Variants in TTC22 observed in about 807,000 individuals in gnomAD.
TTC22 encodes tetratricopeptide repeat domain 22.
TTC22 carries 42 observed loss-of-function variants against 48.2 expected under a neutral mutation model. The observed-to-expected ratio is 0.87, with a 90% CI of 0.68 to 1.13. The LOEUF (loss-of-function observed/expected upper bound fraction) is 1.13, where lower values mean the gene tolerates loss of function less well. Among genes scored for constraint, TTC22 ranks in the 50% most tolerant of loss-of-function variants. The probability of loss-of-function intolerance (pLI) is 0.00; values close to 1 mark genes in which losing one functional copy is unlikely to be tolerated. For synonymous variants in TTC22, 345 were observed against 365.5 expected (o/e 0.94, Z 0.64); for missense variants, 784 against 807.0 (o/e 0.97, Z 0.34).
chr1:54,781,664 G>C lies in TTC22; in HGVS notation c.1289C>G (p.Thr430Arg). ...GCGCAGCAGCTGCAGCTCGGGCAGC[G>C]TGGCACCCAGCTCCGACTCGCCCGC... is the stretch of plus-strand genomic sequence containing the variant. ...AKAGESELGATLPELQLLRGK... is the reference protein window; with the variant it reads ...AKAGESELGARLPELQLLRGK... The change falls in exon 7 of 7, where the codon ACG (threonine) becomes AGG (arginine). Residue 430 changes from threonine to arginine, a missense_variant. Thr to Arg is a moderately conservative substitution (Grantham distance 71). Transcript: ENST00000371276. 1 of 1,530,942 alleles carries C rather than the reference G, an allele frequency of 6.5e-7. No individual in the cohort carries two copies. Among genetic ancestry groups the C allele is most frequent in the South Asian group, 1.2e-5 (1 of 83,190 alleles). 94.8% of individuals were successfully genotyped at this position (1,530,942 alleles called of 1,614,324 possible).
At chr1:54,786,330 G>GCTT in intron 4 of TTC22, 186 bp from the exon 5 acceptor site, 1 of 558,682 alleles carries the variant, frequency 1.8e-6, no homozygotes, top group Non-Finnish European at 3.2e-6. Context: ...ACACCTTGGG[G>GCTT]CACAACCTAT....
intron 1 of TTC22, 124 bp from the exon 2 acceptor site, chr1:54,788,221 A>C: frequency 1.1e-6 from 1 of 915,136 alleles, no homozygotes; most frequent in Non-Finnish European, 1.8e-6. Context: ...TTGACCTTAA[A>C]CACCTTTGAT....
chr1:54,796,548 GCA>G (rs2101471245), intron 1 of TTC22, among the ~76,000 whole-genome samples: 1 of 152,260 alleles, frequency 6.6e-6, no homozygotes, highest in East Asian at 1.9e-4. Flanking sequence ...AGTGCCCGGT[GCA>G]CAGACACCAT....
chr1:54,783,858 C>T (rs182812435), intron 5 of TTC22, among the ~76,000 whole-genome samples: 65 of 152,030 alleles, frequency 4.3e-4, no homozygotes, highest in East Asian at 1.2e-3. Context: ...ATTAGCTGGG[C>T]GGGTGTTGTG....
chr1:54,787,669 G>A, intron 3 of TTC22, 42 bp downstream of exon 3: 1 of 1,476,982 alleles, frequency 6.8e-7, no homozygotes, highest in East Asian at 2.3e-5. Context: ...GCTGTTGGCA[G>A]GGGGCAGAGG....
intron 1 of TTC22, among the ~76,000 whole-genome samples, chr1:54,797,915 C>A (rs1026254460): frequency 6.6e-6 from 1 of 152,130 alleles, no homozygotes; most frequent in Admixed American, 6.5e-5. Context: ...GAAAATCTCT[C>A]GCTGCAGGGG....
chr1:54,801,019 G>T lies in TTC22; in HGVS notation c.145C>A (p.Gln49Lys). ...AGCTCCTGCCGCAGACCCTCCCGCT[G>T]CAGCTTCAGGTCCCGGGCGCGCTGT... ...APQRARDLKL[Q>K]REGLRQELQL... The change falls in exon 1 of 7, where the codon CAG (glutamine) becomes AAG (lysine). Residue 49 changes from glutamine (Q) to lysine (K), a missense_variant. Transcript: ENST00000371276. 6.2e-7 allele frequency: 1 copy of T among 1,610,762 alleles called. No homozygotes were observed. Among genetic ancestry groups the T allele is most frequent in the South Asian group, 1.1e-5 (1 of 90,912 alleles).
At chr1:54,781,947 T>C (rs1459328463) in intron 6 of TTC22, among the ~76,000 whole-genome samples, 168 bp from the exon 7 acceptor site, 2 of 152,216 alleles carry the variant, frequency 1.3e-5, no homozygotes, top group East Asian at 3.9e-4. Flanking sequence ...AGAAAAGGAG[T>C]ACCCCGATTC....
intron 1 of TTC22, among the ~76,000 whole-genome samples, chr1:54,799,287 T>G: frequency 6.6e-6 from 1 of 152,236 alleles, no homozygotes; most frequent in Admixed American, 6.5e-5. Context: ...GAATCCCCAC[T>G]GTGGCCGTGT....
intron 1 of TTC22, among the ~76,000 whole-genome samples, chr1:54,796,159 GTCGTGTGTGTGTGC>G (rs1402829245): frequency 6.6e-6 from 1 of 152,218 alleles, no homozygotes; most frequent in African/African-American, 2.4e-5. Context: ...GAATTGTGGA[GTCGTGTGTGTGTGC>G]GCGTGTGTGT....
chr1:54,801,135 T>C lies in TTC22; in HGVS notation c.29A>G (p.Asp10Gly). MAELEAVAD[D>G]LDALIDDLDY... is the part of the protein sequence containing the mutation. ...CAGGTCGTCGATGAGGGCGTCTAGA[T>C]CGTCGGCCACAGCCTCCAGCTCCGC... The change falls in exon 1 of 7, where the codon GAT becomes GGT. Residue 10 changes from aspartate (D) to glycine (G), a missense_variant. Coordinates refer to ENST00000371276, the MANE Select transcript of TTC22 (RefSeq NM_001114108.2). 6.2e-7 allele frequency: 1 copy of C among 1,610,984 alleles called. No individual in the cohort carries two copies. The highest frequency in any genetic ancestry group is 8.5e-7 in the Non-Finnish European group (1 of 1,178,634).
chr1:54,786,044 ATG>A lies in TTC22; in HGVS notation c.957_958del (p.Met320GlyfsTer29). 1 of 1,614,106 alleles carries A rather than the reference ATG, an allele frequency of 6.2e-7. No homozygotes were observed. Among genetic ancestry groups the A allele is most frequent in the African/African-American group, 1.3e-5 (1 of 75,040 alleles). On this transcript the variant is annotated frameshift_variant, in exon 5 of 7. Transcript: ENST00000371276. LOFTEE classifies it high-confidence loss of function. ...TGGATCTCGTAGGACATCCAGGGCC[ATG>A]TTGCAGGTTCCAATGGCCATATCCT...
chr1:54,792,022 G>A (rs773728735), intron 1 of TTC22, among the ~76,000 whole-genome samples: 21 of 151,874 alleles, frequency 1.4e-4, no homozygotes, highest in Non-Finnish European at 3.1e-4. Context: ...ACCACTCTGC[G>A]CACTGTTGAC....
At chr1:54,799,291 G>T (rs538472078) in intron 1 of TTC22, among the ~76,000 whole-genome samples, 1 of 152,200 alleles carries the variant, frequency 6.6e-6, no homozygotes, top group African/African-American at 2.4e-5. Flanking sequence ...CCCCACTGTG[G>T]CCGTGTTCCC....
chr1:54,786,499 C>T (rs1646302615), intron 4 of TTC22: 1 of 268,944 alleles, frequency 3.7e-6, no homozygotes, highest in African/African-American at 2.2e-5. Flanking sequence ...CATCCCCCAA[C>T]CTTACAAAGT....
chr1:54,787,486 G>T, intron 3 of TTC22: 2 of 593,316 alleles, frequency 3.4e-6, no homozygotes, highest in East Asian at 5.6e-5. Flanking sequence ...TCCAGGTCAT[G>T]AGCTGCAGAC....
chr1:54,795,912 G>GTT (rs1646386667), intron 1 of TTC22, among the ~76,000 whole-genome samples: 1 of 152,228 alleles, frequency 6.6e-6, no homozygotes, highest in Non-Finnish European at 1.5e-5. Flanking sequence ...CTCCTCCTGG[G>GTT]CTTTGATGTC....
chr1:54,781,795 C>T lies in TTC22; in HGVS notation c.1174-16G>A. On this transcript the variant is annotated splice_polypyrimidine_tract_variant and intron_variant, in intron 6 of 6. Transcript: ENST00000371276. Reference sequence around the variant, plus strand: ...AGTAGTAGACCTGGGGTCGGGGACGCGGGGTGAGCCCTTCACCGCAGGCGC... The same window carrying T: ...AGTAGTAGACCTGGGGTCGGGGACGTGGGGTGAGCCCTTCACCGCAGGCGC... The T allele has an allele frequency of 2.1e-6, 3 of 1,401,720 alleles. No homozygotes were observed. Among genetic ancestry groups the T allele is most frequent in the Non-Finnish European group, 2.8e-6 (3 of 1,082,194 alleles). The allele number at this position is 1,401,720 out of a possible 1,614,324, so 86.8% of individuals were successfully genotyped here.
Position 54,787,297 on chromosome 1 carries a change from C to T in TTC22, c.740-222G>A, listed in dbSNP as rs1051003485. On this transcript the variant is annotated intron_variant, in intron 3 of 6. Transcript: ENST00000371276. The stretch of plus-strand genomic sequence containing the variant: ...GCTTATTCTGTGCTCAATGTGTCAT[C>T]GGGGGACCTAATTTCAGGTACGTAG... 30 of 552,806 alleles carry T rather than the reference C, an allele frequency of 5.4e-5. No homozygotes were observed. In the Middle Eastern group the frequency reaches 1.8e-3, roughly 34 times the overall value. 34.2% of individuals were successfully genotyped at this position (552,806 alleles called of 1,614,324 possible). A position where few individuals can be genotyped will look rare whatever the true frequency, so the allele number is the denominator to read the frequency against.
Sources: allele counts gnomAD v4.1 joint callset (sites outside exome capture counted in the v4.1 genomes callset), GRCh38; gene constraint gnomAD v4.1.1; transcripts MANE v1.5; gene names NCBI Gene and HGNC (gene_info 2026-07-23, HGNC 2026-07-21).